UBE2J1: variants seen among roughly 807,000 people sequenced by gnomAD.
UBE2J1 encodes the protein ubiquitin-conjugating enzyme E2 J1.
UBE2J1 carries 17 observed loss-of-function variants against 42.1 expected under a neutral mutation model. That is an observed-to-expected ratio of 0.40 (90% CI 0.28 to 0.61). The LOEUF (loss-of-function observed/expected upper bound fraction) is 0.61, where lower values mean the gene tolerates loss of function less well. Among genes scored for constraint, UBE2J1 ranks in the 20% least tolerant of loss-of-function variants. The pLI, the probability that UBE2J1 is intolerant of heterozygous loss-of-function variation, is 0.38. For missense variants in UBE2J1, 291 were observed against 389.4 expected (o/e 0.75, Z 2.13); for synonymous variants, 127 against 137.2 (o/e 0.93, Z 0.52).
Position 89,352,523 on chromosome 6 carries a change from C to A in UBE2J1, c.31+16G>T. The A allele has an allele frequency of 1.3e-6, 2 of 1,566,914 alleles. No homozygotes were observed. Among genetic ancestry groups the A allele is most frequent in the East Asian group, 2.5e-5 (1 of 39,670 alleles). Reference sequence around the variant, plus strand: ...TCACTCCGCCCTCCTCGCCCAGGGGCCCCAGCCCTGCTCACCCGGACTCTT... The same window carrying A: ...TCACTCCGCCCTCCTCGCCCAGGGGACCCAGCCCTGCTCACCCGGACTCTT... On this transcript the variant is annotated intron_variant, in intron 1 of 7. Coordinates refer to ENST00000435041, the MANE Select transcript of UBE2J1 (RefSeq NM_016021.3).
chr6:89,342,201 C>G, intron 3 of UBE2J1, 123 bp downstream of exon 3: 1 of 1,062,556 alleles, frequency 9.4e-7, no homozygotes, highest in Non-Finnish European at 1.4e-6. Flanking sequence ...GTCCCAGGGC[C>G]TGGACCCCAA....
At chr6:89,339,415 G>A (rs1768186472) in intron 3 of UBE2J1, among the ~76,000 whole-genome samples, 1 of 110,146 alleles carries the variant, frequency 9.1e-6, no homozygotes, top group African/African-American at 3.7e-5. Context: ...GGGTGACAGT[G>A]TGAGACCCTG....
rs748040160 is a variant in UBE2J1 at position 89,327,005 on chromosome 6, G to A, written c.*2674C>T. ...TTATTCTCCCAAAATAGGAAATTTTGTATTCCTATAGTCAAAACAATAAAC... is the reference window on the plus strand; with the variant it reads ...TTATTCTCCCAAAATAGGAAATTTTATATTCCTATAGTCAAAACAATAAAC... On this transcript the variant is annotated 3_prime_UTR_variant, in exon 8 of 8. Transcript: ENST00000435041. 2 of 152,528 alleles carry A rather than the reference G, an allele frequency of 1.3e-5. No homozygotes were observed. Among genetic ancestry groups the A allele is most frequent in the Non-Finnish European group, 2.9e-5 (2 of 68,006 alleles). The allele number at this position is 152,528 out of a possible 1,614,324, so 9.4% of individuals were successfully genotyped here. A position where few individuals can be genotyped will look rare whatever the true frequency, so the allele number is the denominator to read the frequency against.
chr6:89,336,473 AT>A (rs544827012), intron 5 of UBE2J1, among the ~76,000 whole-genome samples: 2,410 of 48,768 alleles, frequency 0.049, 64 homozygotes, highest in African/African-American at 0.11. Context: ...ATTTTATTTT[AT>A]TTTTTTTTTT....
rs144953818 is a variant in UBE2J1, at chr6:89,343,812, GCA to G, written c.32-58_32-57del. 3.0e-4 allele frequency: 419 copies of G among 1,385,600 alleles called. No homozygotes were observed. The African/African-American group carries it at 5.5e-3, about 18-fold the overall frequency. The allele number at this position is 1,385,600 out of a possible 1,614,324, so 85.8% of individuals were successfully genotyped here. Reference sequence around the variant, plus strand: ...TAAAATATACTTTTCTGAATGATTAGCACAGTCTTACGAGCCTAATGAAAAAA... The same window carrying G: ...TAAAATATACTTTTCTGAATGATTAGCAGTCTTACGAGCCTAATGAAAAAA... On this transcript the variant is annotated intron_variant, in intron 1 of 7. Coordinates refer to ENST00000435041, the MANE Select transcript of UBE2J1 (RefSeq NM_016021.3).
At chr6:89,338,871 T>A (rs1197805721) in intron 3 of UBE2J1, among the ~76,000 whole-genome samples, 1 of 151,942 alleles carries the variant, frequency 6.6e-6, no homozygotes, top group East Asian at 1.9e-4. Context: ...TTCACCGTGT[T>A]AGCCAGGATG....
At chr6:89,336,240 CAT>C (rs1465913355) in intron 5 of UBE2J1, among the ~76,000 whole-genome samples, 1 of 151,980 alleles carries the variant, frequency 6.6e-6, no homozygotes, top group Non-Finnish European at 1.5e-5. Flanking sequence ...TATGAAATAT[CAT>C]ATAAACAAAA....
At position 89,352,546 on chromosome 6, in the gene UBE2J1, C is replaced by T. The variant is rs1768507212; in HGVS notation, c.24G>A (p.Lys8=). Residue 8 remains lysine, a synonymous_variant, in exon 1 of 8, where the codon AAG becomes AAA. Coordinates refer to ENST00000435041, the MANE Select transcript of UBE2J1 (RefSeq NM_016021.3). METRYNL[K]SPAVKRLMKE... ...GGCCCCAGCCCTGCTCACCCGGACT[C>T]TTCAGGTTGTAGCGGGTCTCCATGG... The T allele has an allele frequency of 1.3e-6, 2 of 1,571,858 alleles. No individual in the cohort carries two copies. Among genetic ancestry groups the T allele is most frequent in the Non-Finnish European group, 1.7e-6 (2 of 1,165,218 alleles).
intron 7 of UBE2J1, among the ~76,000 whole-genome samples, 172 bp from the exon 8 acceptor site, chr6:89,330,129 CA>C (rs1053154201): frequency 6.7e-4 from 101 of 151,214 alleles, no homozygotes; most frequent in Non-Finnish European, 1.3e-3. Flanking sequence ...AATTTAGGTT[CA>C]AAAAAAAGTC....
intron 6 of UBE2J1, among the ~76,000 whole-genome samples, chr6:89,334,261 C>T (rs1367429770): frequency 6.6e-6 from 1 of 152,008 alleles, no homozygotes; most frequent in Admixed American, 6.6e-5. Context: ...TCTCGGCCTC[C>T]CAAAGTGCTG....
At chr6:89,331,767 G>C (rs569240343) in intron 7 of UBE2J1, among the ~76,000 whole-genome samples, 1 of 152,162 alleles carries the variant, frequency 6.6e-6, no homozygotes, top group African/African-American at 2.4e-5. Context: ...AACATTAGGA[G>C]GCTGTCCTAA....
chr6:89,341,935 A>G lies in UBE2J1; in HGVS notation c.237+389T>C, dbSNP rs547467226. Among the ~76,000 whole-genome samples, 15 of 152,296 alleles carry G rather than the reference A, an allele frequency of 9.8e-5. No homozygotes were observed. The South Asian group carries it at 3.1e-3, about 32-fold the overall frequency. On this transcript the variant is annotated intron_variant, in intron 3 of 7. Transcript: ENST00000435041. ...GGTAGGTATCATTATTCTCATTGTAAAGATGAGAAAACTGAGGAAGAGAGT... is the reference window on the plus strand; with the variant it reads ...GGTAGGTATCATTATTCTCATTGTAGAGATGAGAAAACTGAGGAAGAGAGT...
intron 1 of UBE2J1, among the ~76,000 whole-genome samples, chr6:89,346,863 A>G (rs1270991410): frequency 6.6e-6 from 1 of 152,122 alleles, no homozygotes; most frequent in Non-Finnish European, 1.5e-5. Context: ...TACTTGTTTA[A>G]TATCTGTTTT....
At chr6:89,337,922 T>A (rs1768140924) in intron 5 of UBE2J1, among the ~76,000 whole-genome samples, 1 of 152,214 alleles carries the variant, frequency 6.6e-6, no homozygotes. Context: ...AAATGACTGG[T>A]ATTGTTTTCC....
chr6:89,338,701 T>C (rs952264545), intron 3 of UBE2J1, among the ~76,000 whole-genome samples, 158 bp from the exon 4 acceptor site: 2 of 137,546 alleles, frequency 1.5e-5, no homozygotes. Context: ...AGTCTCGCTC[T>C]GTCACCCAGG....
At chr6:89,343,618 G>C in intron 2 of UBE2J1, 65 bp downstream of exon 2, 3 of 1,270,534 alleles carry the variant, frequency 2.4e-6, no homozygotes, top group Non-Finnish European at 3.3e-6. Context: ...GCAATGAAAA[G>C]CAATTTTAAA....
intron 5 of UBE2J1, 133 bp downstream of exon 5, chr6:89,338,072 A>G (rs978790776): frequency 6.9e-6 from 4 of 582,462 alleles, no homozygotes; most frequent in Non-Finnish European, 1.2e-5. Flanking sequence ...CTAAAAGAGC[A>G]AAACTGAGAT....
intron 7 of UBE2J1, 80 bp from the exon 8 acceptor site, chr6:89,330,037 A>T: frequency 5.0e-6 from 7 of 1,388,374 alleles, no homozygotes; most frequent in Non-Finnish European, 7.0e-6. Context: ...AAGAATACAC[A>T]ATCTCAGAGG....
rs754093091 is a variant in UBE2J1 at position 89,342,384 on chromosome 6, G to T, written c.177C>A (p.His59Gln). Reference protein sequence around the residue: ...PDSDFDGGVYHGRIVLPPEYP... With the variant: ...PDSDFDGGVYQGRIVLPPEYP... ...ACTCTGGTGGCAGTACTATCCGCCCGTGATAAACTCCTCCATCAAAATCGG... is the reference window on the plus strand; with the variant it reads ...ACTCTGGTGGCAGTACTATCCGCCCTTGATAAACTCCTCCATCAAAATCGG... The change falls in exon 3 of 8, where the codon CAC becomes CAA. Residue 59 changes from histidine to glutamine, a missense_variant. This residue lies in a region of UBE2J1 where 115 missense variants were observed against 193.1 expected (regional missense o/e 0.60). Transcript: ENST00000435041. The T allele has an allele frequency of 6.2e-7, 1 of 1,613,518 alleles. No individual in the cohort carries two copies. The highest frequency in any genetic ancestry group is 1.7e-5 in the Admixed American group (1 of 59,854).
Sources: allele counts gnomAD v4.1 joint callset (sites outside exome capture counted in the v4.1 genomes callset), GRCh38; gene constraint gnomAD v4.1.1; regional missense constraint gnomAD v4.1.1; transcripts MANE v1.5; gene names NCBI Gene and HGNC (gene_info 2026-07-23, HGNC 2026-07-21).